Variants in IGF1R observed in about 807,000 individuals in gnomAD.
The protein encoded by IGF1R is insulin-like growth factor 1 receptor.
A neutral mutation model predicts 144.6 loss-of-function variants in IGF1R; 44 were observed. The observed-to-expected ratio is 0.30, with a 90% CI of 0.24 to 0.39. The LOEUF is 0.39. IGF1R is among the 10% of genes least tolerant of loss of function. The pLI is 1.00. For missense variants in IGF1R, 1,355 were observed against 1,833.7 expected (o/e 0.74, Z 4.77); for synonymous variants, 795 against 722.8 (o/e 1.10, Z -1.60).
intron 2 of IGF1R, among the ~76,000 whole-genome samples, chr15:98,803,540 C>A (rs142878161): frequency 2.6e-5 from 1 of 39,190 alleles, no homozygotes; most frequent in Non-Finnish European, 7.9e-5. Flanking sequence ...GGGTCTTGCT[C>A]TGTCCCCCAG....
intron 2 of IGF1R, among the ~76,000 whole-genome samples, chr15:98,726,235 G>A (rs2054357045): frequency 6.6e-6 from 1 of 152,340 alleles, no homozygotes; most frequent in South Asian, 2.1e-4. Flanking sequence ...ATGCAGCTAA[G>A]CAGCCAGCCC....
intron 20 of IGF1R, among the ~76,000 whole-genome samples, chr15:98,949,772 C>T (rs2016702511): frequency 6.6e-6 from 1 of 152,210 alleles, no homozygotes; most frequent in African/African-American, 2.4e-5. Context: ...TGAGGCCTCT[C>T]TGCTCAGCGC....
chr15:98,746,442 G>T (rs2054868109), intron 2 of IGF1R, among the ~76,000 whole-genome samples: 1 of 152,164 alleles, frequency 6.6e-6, no homozygotes, highest in South Asian at 2.1e-4. Flanking sequence ...AAAGGTGTGA[G>T]TGCATGCCTC....
At chr15:98,845,523 C>T (rs2011290393) in intron 2 of IGF1R, among the ~76,000 whole-genome samples, 2 of 139,096 alleles carry the variant, frequency 1.4e-5, no homozygotes, top group Non-Finnish European at 3.2e-5. Flanking sequence ...CTCCTTCCTC[C>T]TCCCCCTCCT....
At chr15:98,937,427 C>T (rs1032632666) in intron 17 of IGF1R, among the ~76,000 whole-genome samples, 1 of 152,150 alleles carries the variant, frequency 6.6e-6, no homozygotes, top group African/African-American at 2.4e-5. Context: ...TCCTGGGCCT[C>T]AGTGTCCTCA....
intron 18 of IGF1R, among the ~76,000 whole-genome samples, chr15:98,940,156 A>G (rs1424086857): frequency 6.6e-6 from 1 of 152,226 alleles, no homozygotes; most frequent in Non-Finnish European, 1.5e-5. Context: ...ACCTGCTTTT[A>G]CCAGGATTCT....
chr15:98,649,514 T>TC lies in IGF1R; in HGVS notation c.-67dup. 1 of 981,528 alleles carries TC rather than the reference T, an allele frequency of 1.0e-6. No homozygotes were observed. The highest frequency in any genetic ancestry group is 1.5e-5 in the South Asian group (1 of 68,184). The allele number at this position is 981,528 out of a possible 1,614,324, so 60.8% of individuals were successfully genotyped here. Reference sequence around the variant, plus strand: ...CTTGTTTCCTTTCATTTCCTTTTTTTCTTTTCTTTTCTTTTTTTTTTTTTT... The same window carrying TC: ...CTTGTTTCCTTTCATTTCCTTTTTTTCCTTTTCTTTTCTTTTTTTTTTTTTT... On this transcript the variant is annotated 5_prime_UTR_variant, in exon 1 of 21. Transcript: ENST00000650285.
At chr15:98,904,723 T>C (rs1470549010) in intron 5 of IGF1R, among the ~76,000 whole-genome samples, 1 of 152,124 alleles carries the variant, frequency 6.6e-6, no homozygotes, top group Non-Finnish European at 1.5e-5. Context: ...ACTGGAATGA[T>C]TGGTTGTATA....
intron 13 of IGF1R, among the ~76,000 whole-genome samples, chr15:98,927,058 AGCT>A (rs1323745972): frequency 6.6e-6 from 1 of 152,124 alleles, no homozygotes; most frequent in East Asian, 1.9e-4. Flanking sequence ...GAGTGAACTC[AGCT>A]TGTTTTGGTG....
At chr15:98,749,778 G>C (rs997245843) in intron 2 of IGF1R, among the ~76,000 whole-genome samples, 2 of 152,198 alleles carry the variant, frequency 1.3e-5, no homozygotes, top group East Asian at 3.8e-4. Context: ...GCAGGTGACA[G>C]CATGGTGGGA....
intron 2 of IGF1R, among the ~76,000 whole-genome samples, chr15:98,746,127 A>T (rs1182137057): frequency 6.6e-6 from 1 of 152,142 alleles, no homozygotes. Flanking sequence ...CTTTTTTGTA[A>T]AGTTAAGGAG....
chr15:98,891,126 T>C lies in IGF1R; in HGVS notation c.641-199T>C, dbSNP rs1047089541. Among the ~76,000 whole-genome samples the C allele has an allele frequency of 1.3e-5, 2 of 152,200 alleles. No homozygotes were observed. Among genetic ancestry groups the C allele is most frequent in the Admixed American group, 6.5e-5 (1 of 15,280 alleles). On this transcript the variant is annotated intron_variant, in intron 2 of 20. Coordinates refer to ENST00000650285, the MANE Select transcript of IGF1R (RefSeq NM_000875.5). The surrounding 1 kb of genome is among the most constrained non-coding windows in gnomAD (Gnocchi z 4.7). ...TAGGAGAGACTGAACTTTAAAGATA[T>C]CGACTCTCTGCAGGTCTAAGTGGAT...
chr15:98,855,115 A>G (rs1008911618), intron 2 of IGF1R, among the ~76,000 whole-genome samples: 2 of 152,152 alleles, frequency 1.3e-5, no homozygotes, highest in Non-Finnish European at 2.9e-5. Context: ...CTAATGGGAC[A>G]CTGATGCTGT....
chr15:98,689,634 C>T (rs1753745447), intron 1 of IGF1R, among the ~76,000 whole-genome samples: 2 of 152,196 alleles, frequency 1.3e-5, no homozygotes, highest in South Asian at 2.1e-4. Flanking sequence ...ATATTGATTG[C>T]AGGCAGGGAC....
intron 2 of IGF1R, among the ~76,000 whole-genome samples, chr15:98,812,339 T>C (rs920961776): frequency 3.3e-5 from 5 of 151,874 alleles, no homozygotes; most frequent in African/African-American, 4.8e-5. Flanking sequence ...ATTTTTACAT[T>C]GTTGTTGTTC....
intron 2 of IGF1R, among the ~76,000 whole-genome samples, chr15:98,801,793 T>G (rs540407146): frequency 3.9e-5 from 6 of 152,352 alleles, no homozygotes; most frequent in African/African-American, 1.4e-4. Flanking sequence ...ACACTGGGTT[T>G]TCACTGCAGC....
intron 2 of IGF1R, among the ~76,000 whole-genome samples, chr15:98,808,830 C>T (rs2056523709): frequency 6.6e-6 from 1 of 152,174 alleles, no homozygotes; most frequent in African/African-American, 2.4e-5. Context: ...CAGGTGTGCA[C>T]CACCATGTCT....
chr15:98,831,047 T>C (rs1044976059), intron 2 of IGF1R, among the ~76,000 whole-genome samples: 3 of 152,146 alleles, frequency 2.0e-5, no homozygotes, highest in Non-Finnish European at 4.4e-5. Context: ...ACTCACTCTT[T>C]ACTGTGGGGA....
At chr15:98,825,562 A>G (rs551211617) in intron 2 of IGF1R, among the ~76,000 whole-genome samples, 4 of 152,286 alleles carry the variant, frequency 2.6e-5, no homozygotes, top group Admixed American at 2.0e-4. Flanking sequence ...TTGTGAACTG[A>G]ACATGCAGGG....
Sources: gnomAD v4.1 joint callset for allele counts (sites outside exome capture counted in the v4.1 genomes callset) on GRCh38, gnomAD v4.1.1 for gene constraint, Gnocchi (gnomAD v3.1) non-coding constraint, MANE v1.5 for transcripts, NCBI Gene and HGNC (gene_info 2026-07-23, HGNC 2026-07-21) for gene names.